Variants in VPS13B observed in about 807,000 individuals in gnomAD.
VPS13B encodes the protein intermembrane lipid transfer protein VPS13B.
VPS13B carries 285 observed loss-of-function variants against 426.4 expected under a neutral mutation model. The observed-to-expected ratio is 0.67, with a 90% CI of 0.61 to 0.74. The LOEUF is 0.74. Among genes scored for constraint, VPS13B ranks in the 30% least tolerant of loss-of-function variants. VPS13B has a pLI of 0.00. For missense variants in VPS13B, 4,537 were observed against 4,782.6 expected, an observed-to-expected ratio of 0.95 and a Z score of 1.51; for synonymous variants, 1,676 against 1,676.4, an observed-to-expected ratio of 1.00 and a Z score of 0.01.
chr8:99,840,711 G>C (rs1199017660), intron 54 of VPS13B, among the ~76,000 whole-genome samples: 1 of 152,026 alleles, frequency 6.6e-6, no homozygotes, highest in Non-Finnish European at 1.5e-5. Context: ...TAAGTGCCTT[G>C]ATGAACCAGG....
At chr8:99,695,451 A>T (rs1831924565) in intron 35 of VPS13B, among the ~76,000 whole-genome samples, 1 of 149,316 alleles carries the variant, frequency 6.7e-6, no homozygotes. Flanking sequence ...CGCAAGAACA[A>T]AAAACCAAAC....
At chr8:99,717,052 C>T in intron 36 of VPS13B, 119 bp from the exon 37 acceptor site, 1 of 1,039,378 alleles carries the variant, frequency 9.6e-7, no homozygotes, top group Non-Finnish European at 1.4e-6. Context: ...GGACTGCCAA[C>T]CAAGCAAGAC....
rs573066773 is a variant in VPS13B at position 99,736,485 on chromosome 8, A to G, written c.7050+15438A>G. ...GTTACTCAGGAGGCTGAGGCAGGAG[A>G]ATCACTTGAAATCAGGAGGCAGATG... On this transcript the variant is annotated intron_variant, in intron 39 of 61. Transcript: ENST00000357162. Among the ~76,000 whole-genome samples, 9 of 152,266 alleles carry G rather than the reference A, an allele frequency of 5.9e-5. No homozygotes were observed. The East Asian group carries it at 1.5e-3, about 26-fold the overall frequency.
intron 21 of VPS13B, among the ~76,000 whole-genome samples, chr8:99,402,844 C>T (rs1388725996): frequency 1.3e-5 from 2 of 152,202 alleles, no homozygotes; most frequent in Non-Finnish European, 2.9e-5. Flanking sequence ...ATGCTTAAAG[C>T]ATTGTGGGAT....
chr8:99,234,459 C>T (rs550204239), intron 17 of VPS13B: 37 of 601,700 alleles, frequency 6.1e-5, no homozygotes, highest in Admixed American at 4.8e-4. Flanking sequence ...TCCACTTTAC[C>T]TTGGCCTCGC....
intron 54 of VPS13B, among the ~76,000 whole-genome samples, chr8:99,843,593 AG>A (rs1265405679): frequency 7.2e-5 from 11 of 152,320 alleles, no homozygotes; most frequent in African/African-American, 2.6e-4. Context: ...CCACTGTGGA[AG>A]GGGGAAGAAT....
chr8:99,134,788 AC>A, intron 9 of VPS13B, 61 bp downstream of exon 9: 1 of 1,374,070 alleles, frequency 7.3e-7, no homozygotes. Context: ...TTTTATAAAT[AC>A]CTGTTTTTAT....
intron 16 of VPS13B, 26 bp from the exon 17 acceptor site, chr8:99,192,850 G>A: frequency 6.2e-7 from 1 of 1,610,636 alleles, no homozygotes; most frequent in Non-Finnish European, 8.5e-7. Context: ...TTACTGTATT[G>A]CGATTCTTTC....
intron 52 of VPS13B, 87 bp from the exon 53 acceptor site, chr8:99,835,110 T>C: frequency 6.4e-7 from 1 of 1,572,614 alleles, no homozygotes; most frequent in African/African-American, 1.3e-5. Context: ...TTCTGAATGT[T>C]GCAAATCTAA....
At chr8:99,191,834 A>C (rs1285661286) in intron 16 of VPS13B, among the ~76,000 whole-genome samples, 3 of 152,152 alleles carry the variant, frequency 2.0e-5, no homozygotes, top group Non-Finnish European at 2.9e-5. Context: ...CTCATGCTGC[A>C]TGGTGGCTTT....
chr8:99,507,963 G>A (rs570291518), intron 28 of VPS13B: 6 of 1,612,610 alleles, frequency 3.7e-6, no homozygotes, highest in South Asian at 1.1e-5. Context: ...CAGGAACCCA[G>A]AGAAGGAATT....
intron 25 of VPS13B, among the ~76,000 whole-genome samples, chr8:99,497,204 A>G (rs1820959053): frequency 7.1e-6 from 1 of 141,494 alleles, no homozygotes; most frequent in Admixed American, 7.3e-5. Context: ...GTATTTATAT[A>G]TTTAATATAT....
chr8:99,636,425 C>G (rs1261107796), intron 33 of VPS13B, among the ~76,000 whole-genome samples: 1 of 151,712 alleles, frequency 6.6e-6, no homozygotes, highest in Non-Finnish European at 1.5e-5. Context: ...TTGTTTTAGT[C>G]TTTTGAATAT....
At chr8:99,280,492 T>A (rs1190404133) in intron 19 of VPS13B, among the ~76,000 whole-genome samples, 3 of 152,244 alleles carry the variant, frequency 2.0e-5, no homozygotes, top group African/African-American at 7.2e-5. Context: ...CATTGATGAA[T>A]GCACAAAGAA....
intron 19 of VPS13B, among the ~76,000 whole-genome samples, chr8:99,290,239 A>G (rs1588212668): frequency 6.6e-6 from 1 of 152,118 alleles, no homozygotes; most frequent in Non-Finnish European, 1.5e-5. Context: ...ACAATAGCAA[A>G]GACTTGGAAC....
chr8:99,781,635 G>A (rs922254741), intron 42 of VPS13B, among the ~76,000 whole-genome samples: 2 of 152,108 alleles, frequency 1.3e-5, no homozygotes, highest in Admixed American at 6.6e-5. Flanking sequence ...TTAGAAAAAT[G>A]TAAACAACCC....
Position 99,875,908 on chromosome 8 carries a change from C to T in VPS13B, c.*242C>T, listed in dbSNP as rs1361196968. On this transcript the variant is annotated 3_prime_UTR_variant, in exon 62 of 62. Transcript: ENST00000357162. Reference sequence around the variant, plus strand: ...GCTCTAACATCATCTGATATGGACACAAGGCCAACAGTTTCCTTATTTACA... The same window carrying T: ...GCTCTAACATCATCTGATATGGACATAAGGCCAACAGTTTCCTTATTTACA... 2 of 547,272 alleles carry T rather than the reference C, an allele frequency of 3.7e-6. No homozygotes were observed. The highest frequency in any genetic ancestry group is 6.5e-6 in the Non-Finnish European group (2 of 306,598). The allele number at this position is 547,272 out of a possible 1,614,324, so 33.9% of individuals were successfully genotyped here.
chr8:99,738,896 G>A lies in VPS13B; in HGVS notation c.7050+17849G>A, dbSNP rs889116575. Reference sequence around the variant, plus strand: ...CTCCAGTCTAGAGCTCCCAGCATGAGCAACACAGAAGATGGGTGATTTCTG... The same window carrying A: ...CTCCAGTCTAGAGCTCCCAGCATGAACAACACAGAAGATGGGTGATTTCTG... On this transcript the variant is annotated intron_variant, in intron 39 of 61. Transcript: ENST00000357162. 3.9e-5 allele frequency among the ~76,000 whole-genome samples: 6 copies of A among 152,296 alleles called. No individual in the cohort carries two copies. The East Asian group carries it at 1.2e-3, about 29-fold the overall frequency.
intron 15 of VPS13B, among the ~76,000 whole-genome samples, chr8:99,161,769 G>A (rs935671281): frequency 7.6e-6 from 1 of 131,554 alleles, no homozygotes; most frequent in Admixed American, 9.2e-5. Context: ...GTCTCATTCT[G>A]TCACCCAGGC....
Sources: gnomAD v4.1 joint callset for allele counts (sites outside exome capture counted in the v4.1 genomes callset) on GRCh38, gnomAD v4.1.1 for gene constraint, MANE v1.5 for transcripts, NCBI Gene and HGNC (gene_info 2026-07-23, HGNC 2026-07-21) for gene names.